The following ST6GAL1 variants were observed in gnomAD, a reference collection of about 807,000 sequenced individuals.
The protein encoded by ST6GAL1 is beta-galactoside alpha-2,6-sialyltransferase 1.
ST6GAL1 carries 20 observed loss-of-function variants against 38.0 expected under a neutral mutation model. The ratio of observed to expected loss-of-function variants is 0.53; its 90% CI spans 0.37 to 0.77. The LOEUF (loss-of-function observed/expected upper bound fraction) is 0.77. Among genes scored for constraint, ST6GAL1 ranks in the 30% least tolerant of loss-of-function variants. The probability of loss-of-function intolerance (pLI) is 0.00; values close to 1 mark genes in which losing one functional copy is unlikely to be tolerated. For synonymous variants in ST6GAL1, 196 were observed against 188.2 expected, an observed-to-expected ratio of 1.04 and a Z score of -0.34; for missense variants, 432 against 496.4, an observed-to-expected ratio of 0.87 and a Z score of 1.23.
chr3:187,071,703 T>C (rs1484427730), intron 5 of ST6GAL1, among the ~76,000 whole-genome samples: 5 of 143,114 alleles, frequency 3.5e-5, no homozygotes, highest in Non-Finnish European at 7.5e-5. Context: ...GAGCCTGCAG[T>C]GAGCCGAGAT....
At chr3:186,969,344 C>A (rs113590649) in intron 2 of ST6GAL1, among the ~76,000 whole-genome samples, 1 of 152,150 alleles carries the variant, frequency 6.6e-6, no homozygotes, top group Non-Finnish European at 1.5e-5. Context: ...TGAGCCACAG[C>A]GCGCAGCCCA....
intron 5 of ST6GAL1, among the ~76,000 whole-genome samples, chr3:187,071,396 G>A (rs1719364816): frequency 6.6e-6 from 1 of 152,026 alleles, no homozygotes; most frequent in Non-Finnish European, 1.5e-5. Context: ...CATTTGATCC[G>A]CAAGACAGCT....
chr3:186,998,683 A>T (rs1716503869), intron 2 of ST6GAL1, among the ~76,000 whole-genome samples: 1 of 152,246 alleles, frequency 6.6e-6, no homozygotes, highest in Non-Finnish European at 1.5e-5. Flanking sequence ...AACTCAATAT[A>T]TTCAAAATAC....
At chr3:186,968,337 A>G (rs1431163388) in intron 2 of ST6GAL1, among the ~76,000 whole-genome samples, 1 of 152,230 alleles carries the variant, frequency 6.6e-6, no homozygotes, top group Non-Finnish European at 1.5e-5. Flanking sequence ...GATGGTACCC[A>G]TTAATCTTGT....
intron 2 of ST6GAL1, among the ~76,000 whole-genome samples, chr3:186,970,215 CTTTTTTTT>C (rs34302492): frequency 7.5e-6 from 1 of 132,814 alleles, no homozygotes; most frequent in Non-Finnish European, 1.6e-5. Context: ...TTTTCTTTTT[CTTTTTTTT>C]TTTTTTTTTA....
intron 5 of ST6GAL1, chr3:187,072,604 C>A: frequency 2.3e-6 from 1 of 442,462 alleles, no homozygotes; most frequent in Admixed American, 3.4e-5. Flanking sequence ...AATCTCAAAG[C>A]CTGACTGGAT....
intron 2 of ST6GAL1, among the ~76,000 whole-genome samples, chr3:186,971,392 C>T (rs780345765): frequency 6.6e-6 from 1 of 152,212 alleles, no homozygotes; most frequent in African/African-American, 2.4e-5. Flanking sequence ...GCCACTGTGC[C>T]CCCCCAACGT....
intron 1 of ST6GAL1, among the ~76,000 whole-genome samples, chr3:186,941,741 G>A (rs1333869502): frequency 1.3e-5 from 2 of 152,120 alleles, no homozygotes; most frequent in African/African-American, 4.8e-5. Context: ...GGCTGGGCAC[G>A]GTGGCTCATG....
intron 2 of ST6GAL1, among the ~76,000 whole-genome samples, chr3:187,004,952 A>G (rs1716732985): frequency 6.6e-6 from 1 of 152,182 alleles, no homozygotes; most frequent in Non-Finnish European, 1.5e-5. Context: ...GTGCCAGGGC[A>G]TGAAAATGCA....
At chr3:186,941,406 C>T (rs183091013) in intron 1 of ST6GAL1, among the ~76,000 whole-genome samples, 78 of 152,128 alleles carry the variant, frequency 5.1e-4, no homozygotes, top group Non-Finnish European at 1.1e-3. Context: ...TGATGCACAC[C>T]CAGAAATTGG....
At chr3:187,020,961 G>GT (rs139348671) in intron 2 of ST6GAL1, among the ~76,000 whole-genome samples, 50,327 of 146,604 alleles carry the variant, frequency 0.34, 8,715 homozygotes, top group South Asian at 0.4. Context: ...TGTATTGGTG[G>GT]TTTTTTTTTT....
At chr3:187,071,576 C>G (rs1719373873) in intron 5 of ST6GAL1, among the ~76,000 whole-genome samples, 1 of 151,370 alleles carries the variant, frequency 6.6e-6, no homozygotes, top group Admixed American at 6.6e-5. Flanking sequence ...GGTGAAACCC[C>G]GTCTCTACTA....
chr3:187,057,824 C>T (rs1718763956), intron 5 of ST6GAL1, among the ~76,000 whole-genome samples: 1 of 152,220 alleles, frequency 6.6e-6, no homozygotes, highest in Non-Finnish European at 1.5e-5. Flanking sequence ...CTGCTCTCTT[C>T]AGAGCTGTCA....
intron 1 of ST6GAL1, among the ~76,000 whole-genome samples, chr3:186,960,665 A>G (rs1025509715): frequency 6.6e-6 from 1 of 151,780 alleles, no homozygotes; most frequent in Non-Finnish European, 1.5e-5. Context: ...ACTTAATAGA[A>G]AAAAAAAACT....
intron 2 of ST6GAL1, among the ~76,000 whole-genome samples, chr3:187,013,506 C>T (rs939637772): frequency 2.0e-5 from 3 of 152,198 alleles, no homozygotes; most frequent in African/African-American, 7.2e-5. Context: ...CTGCCTCCCA[C>T]GAGGGTCCCA....
chr3:187,065,619 C>G (rs1042767470), intron 5 of ST6GAL1, among the ~76,000 whole-genome samples: 2 of 152,090 alleles, frequency 1.3e-5, no homozygotes, highest in East Asian at 1.9e-4. Flanking sequence ...ACCCTGTGGG[C>G]CTGAGAGAGG....
chr3:187,025,920 G>C (rs1001169443), intron 2 of ST6GAL1, among the ~76,000 whole-genome samples: 1 of 152,190 alleles, frequency 6.6e-6, no homozygotes, highest in African/African-American at 2.4e-5. Flanking sequence ...TATCAGTGCT[G>C]CCTGGCTGGG....
chr3:187,048,461 T>C (rs1442479297), intron 4 of ST6GAL1, among the ~76,000 whole-genome samples: 1 of 152,150 alleles, frequency 6.6e-6, no homozygotes, highest in Non-Finnish European at 1.5e-5. Flanking sequence ...TGGCCATCCT[T>C]TGGGTCTCAG....
chr3:186,936,985 T>C (rs79677442), intron 1 of ST6GAL1, among the ~76,000 whole-genome samples: 26,523 of 142,434 alleles, frequency 0.19, 2,748 homozygotes, highest in East Asian at 0.33. Context: ...CCATTGAGGA[T>C]AATTTGGAAA....
Sources: allele counts gnomAD v4.1 joint callset (sites outside exome capture counted in the v4.1 genomes callset), GRCh38; gene constraint gnomAD v4.1.1; transcripts MANE v1.5; gene names NCBI Gene and HGNC (gene_info 2026-07-23, HGNC 2026-07-21).